The following KIF6 variants were observed in gnomAD, a reference collection of about 807,000 sequenced individuals.
KIF6 encodes the protein kinesin-like protein KIF6.
A neutral mutation model predicts 112.7 loss-of-function variants in KIF6; 106 were observed. That is an observed-to-expected ratio of 0.94 (90% CI 0.80 to 1.11). The LOEUF (loss-of-function observed/expected upper bound fraction) is 1.11, where lower values mean the gene tolerates loss of function less well. Ranked by LOEUF, KIF6 falls within the 50% of genes least tolerant of loss-of-function variation. The probability of loss-of-function intolerance (pLI) is 0.00; values close to 1 mark genes in which losing one functional copy is unlikely to be tolerated. For synonymous variants in KIF6, 339 were observed against 339.9 expected (o/e 1.00, Z 0.03); for missense variants, 929 against 964.0 (o/e 0.96, Z 0.48).
intron 13 of KIF6, among the ~76,000 whole-genome samples, chr6:39,517,910 C>A (rs780882722): frequency 3.3e-5 from 5 of 152,106 alleles, no homozygotes; most frequent in Non-Finnish European, 7.4e-5. Context: ...CACAAAAAAA[C>A]CACATTAGGC....
intron 13 of KIF6, among the ~76,000 whole-genome samples, chr6:39,476,515 C>T (rs1774435942): frequency 6.6e-6 from 1 of 152,118 alleles, no homozygotes; most frequent in South Asian, 2.1e-4. Flanking sequence ...TGGCCTGCAC[C>T]ATCAGAAGGA....
At chr6:39,453,343 A>G (rs1253440869) in intron 13 of KIF6, among the ~76,000 whole-genome samples, 1 of 152,198 alleles carries the variant, frequency 6.6e-6, no homozygotes, top group Non-Finnish European at 1.5e-5. Flanking sequence ...CTGAAAGGCA[A>G]TGTCGTCCGA....
intron 13 of KIF6, among the ~76,000 whole-genome samples, chr6:39,516,925 G>A (rs924741827): frequency 6.6e-6 from 1 of 152,104 alleles, no homozygotes; most frequent in African/African-American, 2.4e-5. Context: ...AATGACAGTT[G>A]TACCTGACTT....
At chr6:39,689,521 T>TA (rs1245265786) in intron 3 of KIF6, among the ~76,000 whole-genome samples, 1 of 152,068 alleles carries the variant, frequency 6.6e-6, no homozygotes, top group Non-Finnish European at 1.5e-5. Flanking sequence ...ATAATAATAA[T>TA]AATAAATAAA....
intron 3 of KIF6, among the ~76,000 whole-genome samples, chr6:39,692,805 T>G (rs981200810): frequency 1.3e-5 from 2 of 152,144 alleles, no homozygotes; most frequent in Admixed American, 1.3e-4. Flanking sequence ...TTGCAATACA[T>G]GAGATGAAAC....
chr6:39,345,542 T>G (rs1763633034), intron 21 of KIF6, among the ~76,000 whole-genome samples, 158 bp downstream of exon 21: 1 of 152,124 alleles, frequency 6.6e-6, no homozygotes. Flanking sequence ...GTGTGAGAGA[T>G]TCCAGGGAAT....
intron 13 of KIF6, among the ~76,000 whole-genome samples, chr6:39,519,015 A>G (rs370002505): frequency 3.9e-4 from 59 of 152,292 alleles, no homozygotes; most frequent in African/African-American, 1.4e-3. Context: ...TAGCTTCACA[A>G]AAGCATTTGA....
At chr6:39,494,450 C>T (rs542354360) in intron 13 of KIF6, among the ~76,000 whole-genome samples, 1 of 152,094 alleles carries the variant, frequency 6.6e-6, no homozygotes, top group African/African-American at 2.4e-5. Flanking sequence ...GGTTAAATAA[C>T]CATAGGCATT....
intron 13 of KIF6, among the ~76,000 whole-genome samples, chr6:39,443,099 G>C (rs1028416085): frequency 6.8e-6 from 1 of 147,156 alleles, no homozygotes; most frequent in Admixed American, 6.8e-5. Flanking sequence ...GGGCGACAGA[G>C]TGAGACTGCA....
intron 15 of KIF6, among the ~76,000 whole-genome samples, chr6:39,412,836 G>A (rs1040979928): frequency 1.3e-5 from 2 of 152,114 alleles, no homozygotes; most frequent in East Asian, 1.9e-4. Flanking sequence ...GTGGTCCAGC[G>A]TGGCTGGGTG....
At chr6:39,605,396 T>C (rs1782828707) in intron 6 of KIF6, among the ~76,000 whole-genome samples, 1 of 152,076 alleles carries the variant, frequency 6.6e-6, no homozygotes, top group Non-Finnish European at 1.5e-5. Context: ...AATAATAATA[T>C]TATGGGGCTA....
At chr6:39,660,266 G>A (rs1786056422) in intron 3 of KIF6, among the ~76,000 whole-genome samples, 1 of 152,150 alleles carries the variant, frequency 6.6e-6, no homozygotes, top group South Asian at 2.1e-4. Flanking sequence ...TTTTTCCACA[G>A]CAATGTTCTA....
chr6:39,336,418 G>C lies in KIF6; in HGVS notation c.*114C>G. ...CCCTCCATGGGAATCAAAGTCACTA[G>C]TTGCTCCCAGCAGCCCATAGTTCAC... On this transcript the variant is annotated 3_prime_UTR_variant, in exon 23 of 23. Transcript: ENST00000287152. The C allele has an allele frequency of 1.0e-6, 1 of 999,176 alleles. No homozygotes were observed. Among genetic ancestry groups the C allele is most frequent in the Non-Finnish European group, 1.6e-6 (1 of 633,054 alleles). The allele number at this position is 999,176 out of a possible 1,614,324, so 61.9% of individuals were successfully genotyped here. A position where few individuals can be genotyped will look rare whatever the true frequency, so the allele number is the denominator to read the frequency against.
chr6:39,352,606 CT>C (rs34771617), intron 19 of KIF6, among the ~76,000 whole-genome samples: 47,937 of 140,498 alleles, frequency 0.34, 7,718 homozygotes, highest in East Asian at 0.46. Flanking sequence ...CCTGATAGCT[CT>C]TTTTTTTTTT....
intron 16 of KIF6, among the ~76,000 whole-genome samples, chr6:39,377,064 G>A (rs888883053): frequency 6.6e-6 from 1 of 152,040 alleles, no homozygotes; most frequent in Non-Finnish European, 1.5e-5. Context: ...ATCCCCTTCC[G>A]TTGTTTTCTC....
rs554498522 is a variant in KIF6, at chr6:39,373,034, G to A, written c.1862-10516C>T. 2.1e-4 allele frequency among the ~76,000 whole-genome samples: 32 copies of A among 152,272 alleles called. No individual in the cohort carries two copies. In the South Asian group the frequency reaches 3.7e-3, roughly 18 times the overall value. Reference sequence around the variant, plus strand: ...GGTCCGAGATTTGCCGAGCACAGATGGCGATTTTCATCATGTGTAAAGGAA... The same window carrying A: ...GGTCCGAGATTTGCCGAGCACAGATAGCGATTTTCATCATGTGTAAAGGAA... On this transcript the variant is annotated intron_variant, in intron 16 of 22. Transcript: ENST00000287152.
intron 22 of KIF6, among the ~76,000 whole-genome samples, chr6:39,341,447 T>C (rs1227122918): frequency 6.6e-6 from 1 of 152,182 alleles, no homozygotes; most frequent in East Asian, 1.9e-4. Context: ...TCCGCAACTG[T>C]TGGAGAACCC....
At chr6:39,680,934 A>G (rs1171131364) in intron 3 of KIF6, among the ~76,000 whole-genome samples, 2 of 152,184 alleles carry the variant, frequency 1.3e-5, no homozygotes, top group African/African-American at 4.8e-5. Flanking sequence ...AGTGTACAGG[A>G]CACAGGCAGA....
chr6:39,510,261 T>C (rs1329229248), intron 13 of KIF6, among the ~76,000 whole-genome samples: 1 of 151,770 alleles, frequency 6.6e-6, no homozygotes, highest in African/African-American at 2.4e-5. Flanking sequence ...CCTGGCTCAT[T>C]TTTTGTATTT....
Sources: gnomAD v4.1 joint callset for allele counts (sites outside exome capture counted in the v4.1 genomes callset) on GRCh38, gnomAD v4.1.1 for gene constraint, MANE v1.5 for transcripts, NCBI Gene and HGNC (gene_info 2026-07-23, HGNC 2026-07-21) for gene names.